Variants in NIBAN2 observed in about 807,000 individuals in gnomAD.
NIBAN2 encodes the protein protein Niban 2.
In NIBAN2, 36 loss-of-function variants were observed where a neutral mutation model predicts 81.8. The ratio of observed to expected loss-of-function variants is 0.44; its 90% confidence interval spans 0.34 to 0.58. The LOEUF (loss-of-function observed/expected upper bound fraction) is 0.58. NIBAN2 is among the 20% of genes least tolerant of loss of function. NIBAN2 has a pLI of 0.02. For synonymous variants in NIBAN2, 445 were observed against 441.6 expected (o/e 1.01, Z -0.10); for missense variants, 897 against 1,014.1 (o/e 0.88, Z 1.57).
rs60340873 is a variant in NIBAN2 at position 127,575,526 on chromosome 9, C to CTT, written c.16+3394_16+3395dup. ...CAGGCATGAGCCACTGTGCTGGGCC[C>CTT]TTTTTTTTTTTTTTTTCTTTTGAGA... On this transcript the variant is annotated intron_variant, in intron 1 of 13. Transcript: ENST00000373314. 7.5e-3 allele frequency among the ~76,000 whole-genome samples: 922 copies of CTT among 122,266 alleles called. 34 individuals are homozygous for CTT. Among genetic ancestry groups the CTT allele is most frequent in the South Asian group, 7.9e-3 (29 of 3,648 alleles). The allele number at this position is 122,266 out of a possible 152,430, so 80.2% of individuals were successfully genotyped here. A position where few individuals can be genotyped will look rare whatever the true frequency, so the allele number is the denominator to read the frequency against.
At chr9:127,549,718 A>G (rs1265567773) in intron 1 of NIBAN2, among the ~76,000 whole-genome samples, 1 of 152,194 alleles carries the variant, frequency 6.6e-6, no homozygotes, top group Non-Finnish European at 1.5e-5. Flanking sequence ...GAGGAAACCC[A>G]ATCCCAGATT....
intron 1 of NIBAN2, among the ~76,000 whole-genome samples, chr9:127,577,316 C>G (rs946494322): frequency 3.3e-5 from 5 of 151,938 alleles, no homozygotes; most frequent in Non-Finnish European, 5.9e-5. Context: ...CACCCTCCCC[C>G]CAAAAAAATT....
intron 8 of NIBAN2, among the ~76,000 whole-genome samples, chr9:127,515,062 C>G (rs1433957664): frequency 6.6e-6 from 1 of 152,136 alleles, no homozygotes; most frequent in Non-Finnish European, 1.5e-5. Flanking sequence ...CCTTTCTCTA[C>G]AAACAATTTA....
At position 127,517,149 on chromosome 9, in the gene NIBAN2, T is replaced by G; in HGVS notation, c.773A>C (p.Lys258Thr). 6.2e-7 allele frequency: 1 copy of G among 1,613,994 alleles called. No homozygotes were observed. The highest frequency in any genetic ancestry group is 8.5e-7 in the Non-Finnish European group (1 of 1,179,950). The stretch of plus-strand genomic sequence containing the variant: ...CCGCTGCCGCTCCTGCGGTTTCCCC[T>G]TCAGCCGCGGGCCGAGCTCTGCCTT... ...ELKAELGPRL[K>T]GKPQERQRQW... Residue 258 changes from lysine (K) to threonine (T), a missense_variant, in exon 7 of 14, where the codon AAG becomes ACG. By Grantham distance (78) the Lys-to-Thr change is moderately conservative. This residue lies in a region of NIBAN2 where 619 missense variants were observed against 691.0 expected (regional missense o/e 0.90). Transcript: ENST00000373312. The surrounding 1 kb of genome is among the most constrained non-coding windows in gnomAD (Gnocchi z 4.0).
chr9:127,519,657 A>C (rs1406200614), intron 5 of NIBAN2, among the ~76,000 whole-genome samples: 1 of 152,194 alleles, frequency 6.6e-6, no homozygotes, highest in Admixed American at 6.5e-5. Flanking sequence ...TCATCCCTAC[A>C]GCGCAGCTGC....
In NIBAN2 at chr9:127,507,937, G is replaced by A; in HGVS notation, c.1584C>T (p.Ala528=). ...ACGTGTTTTCCACCAGGATGAACCT[G>A]GCAAAGTCCTCGAAGATCAGCTCCT... is the stretch of plus-strand genomic sequence containing the variant. ...RFQELIFEDF[A]RFILVENTYE... Residue 528 remains alanine (A), a synonymous_variant, in exon 13 of 14, where the codon GCC becomes GCT. Coordinates refer to ENST00000373312, the MANE Select transcript of NIBAN2 (RefSeq NM_022833.4). The surrounding 1 kb of genome is among the most constrained non-coding windows in gnomAD (Gnocchi z 6.8). The A allele has an allele frequency of 1.9e-6, 3 of 1,614,192 alleles. No individual in the cohort carries two copies. Among genetic ancestry groups the A allele is most frequent in the Non-Finnish European group, 2.5e-6 (3 of 1,180,032 alleles).
chr9:127,568,967 G>C lies in NIBAN2; in HGVS notation c.-93C>G. On this transcript the variant is annotated 5_prime_UTR_variant, in exon 1 of 14. Coordinates refer to ENST00000373312, the MANE Select transcript of NIBAN2 (RefSeq NM_022833.4). Reference sequence around the variant, plus strand: ...CCGCTGGCGCCATGGAGCCCGGCCCGCCCTGCTTCCCCCGCTCCCGCCGCT... The same window carrying C: ...CCGCTGGCGCCATGGAGCCCGGCCCCCCCTGCTTCCCCCGCTCCCGCCGCT... 2 of 1,141,922 alleles carry C rather than the reference G, an allele frequency of 1.8e-6. No homozygotes were observed. Among genetic ancestry groups the C allele is most frequent in the Non-Finnish European group, 2.1e-6 (2 of 939,732 alleles). The allele number at this position is 1,141,922 out of a possible 1,614,324, so 70.7% of individuals were successfully genotyped here.
chr9:127,528,654 G>A lies in NIBAN2; in HGVS notation c.187-1332C>T, dbSNP rs185861750. 9.9e-5 allele frequency among the ~76,000 whole-genome samples: 15 copies of A among 152,220 alleles called. No homozygotes were observed. In the East Asian group the frequency reaches 1.5e-3, roughly 16 times the overall value. ...TAGGACCTGCAGGCTTCTTCCTACC[G>A]GGTATAAAAATATTTACAGGAAAAG... is the stretch of plus-strand genomic sequence containing the variant. On this transcript the variant is annotated intron_variant, in intron 2 of 13. Transcript: ENST00000373312.
chr9:127,510,442 T>TTA, intron 8 of NIBAN2, 109 bp from the exon 9 acceptor site: 1 of 702,638 alleles, frequency 1.4e-6, no homozygotes, highest in Non-Finnish European at 2.1e-6. Context: ...ATCATTATTA[T>TTA]TATATTTTTT....
At chr9:127,564,986 C>G (rs2249453) in intron 1 of NIBAN2, among the ~76,000 whole-genome samples, 86,308 of 151,910 alleles carry the variant, frequency 0.57, 25,370 homozygotes, top group African/African-American at 0.71. Flanking sequence ...TGGGATTTAA[C>G]GGAGAAAGAT....
At chr9:127,560,356 C>A (rs1837751560) in intron 1 of NIBAN2, among the ~76,000 whole-genome samples, 1 of 152,162 alleles carries the variant, frequency 6.6e-6, no homozygotes, top group South Asian at 2.1e-4. Context: ...GACCCCCACA[C>A]ACGCAGGTCC....
chr9:127,556,986 A>C (rs1164935917), intron 1 of NIBAN2, among the ~76,000 whole-genome samples: 1 of 152,206 alleles, frequency 6.6e-6, no homozygotes, highest in Non-Finnish European at 1.5e-5. Flanking sequence ...CTGAGGCAGA[A>C]GGATTGCCGG....
intron 1 of NIBAN2, among the ~76,000 whole-genome samples, chr9:127,537,225 G>C (rs2132198658): frequency 6.6e-6 from 1 of 152,316 alleles, no homozygotes; most frequent in East Asian, 1.9e-4. Context: ...AGCTCTCAGA[G>C]ACTCACATTC....
chr9:127,555,501 G>A (rs968822232), intron 1 of NIBAN2, among the ~76,000 whole-genome samples: 30 of 152,236 alleles, frequency 2.0e-4, no homozygotes, highest in Admixed American at 2.6e-4. Flanking sequence ...GCCAGCGGCG[G>A]ACCCTGGGCC....
At position 127,559,019 on chromosome 9, in the gene NIBAN2, C is replaced by T. The variant is rs561177955; in HGVS notation, c.55+9801G>A. ...GCCACACAGCTTTCAGTGACAGAAGCATACTGCCACCAGGTCAAAGCCAGA... is the reference window on the plus strand; with the variant it reads ...GCCACACAGCTTTCAGTGACAGAAGTATACTGCCACCAGGTCAAAGCCAGA... On this transcript the variant is annotated intron_variant, in intron 1 of 13. Coordinates refer to ENST00000373312, the MANE Select transcript of NIBAN2 (RefSeq NM_022833.4). This position sits in a 1 kb window ranked among gnomAD's most constrained non-coding sequence, Gnocchi z 4.0. 6.6e-6 allele frequency among the ~76,000 whole-genome samples: 1 copy of T among 152,340 alleles called. No homozygotes were observed. Among genetic ancestry groups the T allele is most frequent in the Non-Finnish European group, 1.5e-5 (1 of 68,028 alleles).
At chr9:127,515,541 AAAC>A (rs1476271802) in intron 8 of NIBAN2, among the ~76,000 whole-genome samples, 2 of 67,696 alleles carry the variant, frequency 3.0e-5, no homozygotes, top group African/African-American at 5.1e-5. Flanking sequence ...AAAAAAAAAC[AAAC>A]AAAAAAAACA....
chr9:127,578,731 C>T (rs1838039627), intron 1 of NIBAN2, among the ~76,000 whole-genome samples: 1 of 151,672 alleles, frequency 6.6e-6, no homozygotes, highest in African/African-American at 2.4e-5. Flanking sequence ...GCTGTAGTGC[C>T]TTAAGCCTAT....
intron 1 of NIBAN2, among the ~76,000 whole-genome samples, chr9:127,562,441 C>T (rs762596870): frequency 6.6e-6 from 1 of 152,202 alleles, no homozygotes; most frequent in African/African-American, 2.4e-5. Context: ...GTTATCACTC[C>T]GAGCCTGATT....
rs758103526 is a variant in NIBAN2 at position 127,527,337 on chromosome 9, G to T, written c.187-15C>A. 6.2e-7 allele frequency: 1 copy of T among 1,611,262 alleles called. No homozygotes were observed. Among genetic ancestry groups the T allele is most frequent in the South Asian group, 1.1e-5 (1 of 91,030 alleles). The stretch of plus-strand genomic sequence containing the variant: ...TCCAGTGGCACCTGTGGGCAGGAGC[G>T]GGTGGGGAGTGAGGCCCAGGTCTGG... On this transcript the variant is annotated splice_polypyrimidine_tract_variant and intron_variant, in intron 2 of 13. Transcript: ENST00000373312.
Sources: allele counts gnomAD v4.1 joint callset (sites outside exome capture counted in the v4.1 genomes callset), GRCh38; gene constraint gnomAD v4.1.1; regional missense constraint gnomAD v4.1.1; non-coding constraint Gnocchi (gnomAD v3.1); transcripts MANE v1.5; gene names NCBI Gene and HGNC (gene_info 2026-07-23, HGNC 2026-07-21).